The following RAB7A variants were observed in gnomAD, a reference collection of about 807,000 sequenced individuals.
RAB7A encodes ras-related protein Rab-7a.
RAB7A carries 2 observed loss-of-function variants against 24.5 expected under a neutral mutation model. That is an observed-to-expected ratio of 0.08 (90% CI 0.03 to 0.26). The LOEUF (loss-of-function observed/expected upper bound fraction) is 0.26. Ranked by LOEUF, RAB7A falls within the 10% of genes least tolerant of loss-of-function variation. The pLI is 1.00. For synonymous variants in RAB7A, 100 were observed against 95.9 expected (o/e 1.04, Z -0.25); for missense variants, 118 against 255.7 (o/e 0.46, Z 3.67).
intron 3 of RAB7A, among the ~76,000 whole-genome samples, chr3:128,800,995 GT>G (rs1448145230): frequency 6.6e-6 from 1 of 152,202 alleles, no homozygotes; most frequent in African/African-American, 2.4e-5. Context: ...ATCCTCATGT[GT>G]TTTTCGAGGG....
intron 1 of RAB7A, among the ~76,000 whole-genome samples, chr3:128,773,926 C>G (rs966546708): frequency 3.0e-4 from 45 of 151,616 alleles, no homozygotes; most frequent in Non-Finnish European, 5.7e-4. Context: ...CTCAAGTACC[C>G]AGGGACACAA....
chr3:128,761,696 C>T (rs926042587), intron 1 of RAB7A, among the ~76,000 whole-genome samples: 1 of 152,230 alleles, frequency 6.6e-6, no homozygotes, highest in Non-Finnish European at 1.5e-5. Context: ...GGCACCTCTC[C>T]TCTAGAGCAG....
intron 1 of RAB7A, among the ~76,000 whole-genome samples, chr3:128,740,740 T>TAA (rs759890070): frequency 1.3e-4 from 18 of 135,566 alleles, no homozygotes; most frequent in African/African-American, 4.0e-4. Flanking sequence ...TACAAAAAGT[T>TAA]AAAAAAAAAA....
At chr3:128,778,187 A>G (rs1174530178) in intron 1 of RAB7A, among the ~76,000 whole-genome samples, 1 of 152,208 alleles carries the variant, frequency 6.6e-6, no homozygotes, top group Non-Finnish European at 1.5e-5. Context: ...GAACTGTCCA[A>G]TATAGTAGCT....
At chr3:128,757,145 C>T (rs955823687) in intron 1 of RAB7A, among the ~76,000 whole-genome samples, 1 of 152,062 alleles carries the variant, frequency 6.6e-6, no homozygotes, top group East Asian at 1.9e-4. Context: ...ACACCTGGCC[C>T]AGTCCCACTC....
At chr3:128,765,495 T>C (rs7641218) in intron 1 of RAB7A, among the ~76,000 whole-genome samples, 42,091 of 152,148 alleles carry the variant, frequency 0.28, 7,485 homozygotes, top group African/African-American at 0.5. Flanking sequence ...GGGCTATTGT[T>C]GCAAGATATC....
At chr3:128,777,967 G>T (rs1461897836) in intron 1 of RAB7A, among the ~76,000 whole-genome samples, 1 of 152,156 alleles carries the variant, frequency 6.6e-6, no homozygotes, top group Non-Finnish European at 1.5e-5. Context: ...GCCCGCCTCG[G>T]CCTCCCAAAG....
At chr3:128,764,895 G>T in intron 1 of RAB7A, 1 of 1,497,074 alleles carries the variant, frequency 6.7e-7, no homozygotes, top group Non-Finnish European at 9.2e-7. Flanking sequence ...CGCGGTCAAA[G>T]TTGTAAGACA....
At chr3:128,762,240 T>C (rs1036848990) in intron 1 of RAB7A, among the ~76,000 whole-genome samples, 1 of 152,180 alleles carries the variant, frequency 6.6e-6, no homozygotes, top group Non-Finnish European at 1.5e-5. Flanking sequence ...AGATAGACTT[T>C]CCTGTGTGAA....
chr3:128,792,659 C>T (rs567335998), intron 1 of RAB7A, among the ~76,000 whole-genome samples: 26 of 151,624 alleles, frequency 1.7e-4, no homozygotes, highest in African/African-American at 5.8e-4. Flanking sequence ...CCACCTGCCT[C>T]GGCCTCCCAA....
intron 1 of RAB7A, among the ~76,000 whole-genome samples, chr3:128,754,471 TA>T (rs1322701368): frequency 1.1e-4 from 16 of 152,118 alleles, no homozygotes; most frequent in African/African-American, 3.6e-4. Context: ...AAAGATCAAC[TA>T]AACACAAAAT....
chr3:128,795,498 C>T lies in RAB7A; in HGVS notation c.53+78C>T, dbSNP rs554819182. On this transcript the variant is annotated intron_variant, in intron 2 of 5. Transcript: ENST00000265062. ...TGCTGTGGAGCCCACACTGTCCGTG[C>T]TGCCACTTCTTGCTTTCATAGTGAG... The T allele has an allele frequency of 3.6e-5, 48 of 1,344,672 alleles. No individual in the cohort carries two copies. The East Asian group carries it at 1.1e-3, about 30-fold the overall frequency. The allele number at this position is 1,344,672 out of a possible 1,614,324, so 83.3% of individuals were successfully genotyped here. A position where few individuals can be genotyped will look rare whatever the true frequency, so the allele number is the denominator to read the frequency against.
At chr3:128,792,334 C>G (rs938359456) in intron 1 of RAB7A, among the ~76,000 whole-genome samples, 1 of 152,180 alleles carries the variant, frequency 6.6e-6, no homozygotes, top group African/African-American at 2.4e-5. Context: ...TTTTCCCATT[C>G]TTAAAATCAG....
chr3:128,795,398 G>A lies in RAB7A; in HGVS notation c.31G>A (p.Val11Ile). 1 of 1,613,468 alleles carries A rather than the reference G, an allele frequency of 6.2e-7. No homozygotes were observed. The highest frequency in any genetic ancestry group is 8.5e-7 in the Non-Finnish European group (1 of 1,179,406). Residue 11 changes from valine to isoleucine, a missense_variant, in exon 2 of 6, where the codon GTT becomes ATT. Coordinates refer to ENST00000265062, the MANE Select transcript of RAB7A (RefSeq NM_004637.6). Reference sequence around the variant, plus strand: ...CTCTAGGAAGAAAGTGTTGCTGAAGGTTATCATCCTGGGAGATTCTGGGTA... The same window carrying A: ...CTCTAGGAAGAAAGTGTTGCTGAAGATTATCATCCTGGGAGATTCTGGGTA... MTSRKKVLLK[V>I]IILGDSGVGK...
intron 1 of RAB7A, among the ~76,000 whole-genome samples, chr3:128,766,528 A>G (rs143299135): frequency 6.6e-6 from 1 of 152,336 alleles, no homozygotes; most frequent in African/African-American, 2.4e-5. Context: ...TCAAAAGTCG[A>G]CCATGATTTT....
At chr3:128,772,373 AT>A (rs1369133612) in intron 1 of RAB7A, among the ~76,000 whole-genome samples, 25 of 152,084 alleles carry the variant, frequency 1.6e-4, no homozygotes, top group Admixed American at 1.6e-3. Context: ...CTTTTTTAAA[AT>A]TTGTTTACAG....
chr3:128,758,172 T>G (rs1374588931), intron 1 of RAB7A, among the ~76,000 whole-genome samples: 1 of 152,070 alleles, frequency 6.6e-6, no homozygotes, highest in Non-Finnish European at 1.5e-5. Flanking sequence ...CTATATTGGT[T>G]AGGCTGGATT....
intron 1 of RAB7A, among the ~76,000 whole-genome samples, chr3:128,732,634 C>T (rs915710954): frequency 6.6e-6 from 1 of 151,998 alleles, no homozygotes; most frequent in Non-Finnish European, 1.5e-5. Context: ...TTCAAGACCA[C>T]CTTCAGCAAC....
intron 3 of RAB7A, 135 bp downstream of exon 3, chr3:128,798,204 A>T (rs1933615021): frequency 8.3e-7 from 1 of 1,199,620 alleles, no homozygotes; most frequent in Non-Finnish European, 1.2e-6. Flanking sequence ...GCTGATACTC[A>T]GTTAAATTTG....
Sources: gnomAD v4.1 joint callset for allele counts (sites outside exome capture counted in the v4.1 genomes callset) on GRCh38, gnomAD v4.1.1 for gene constraint, MANE v1.5 for transcripts, NCBI Gene and HGNC (gene_info 2026-07-23, HGNC 2026-07-21) for gene names.